Variants in UNC80 observed in about 807,000 individuals in gnomAD.
UNC80 encodes the protein unc-80 subunit of NALCN channel complex.
A neutral mutation model predicts 384.6 loss-of-function variants in UNC80; 164 were observed. That is an observed-to-expected ratio of 0.43 (90% confidence interval 0.38 to 0.49). UNC80 has a LOEUF of 0.49. UNC80 is among the 20% of genes least tolerant of loss of function. The probability of loss-of-function intolerance (pLI) is 0.00; values close to 1 mark genes in which losing one functional copy is unlikely to be tolerated. For missense variants in UNC80, 3,330 were observed against 4,143.0 expected, an observed-to-expected ratio of 0.80 and a Z score of 5.39; for synonymous variants, 1,486 against 1,527.8, an observed-to-expected ratio of 0.97 and a Z score of 0.64.
intron 22 of UNC80, among the ~76,000 whole-genome samples, chr2:209,853,301 G>A (rs2082661975): frequency 6.6e-6 from 1 of 151,908 alleles, no homozygotes; most frequent in Admixed American, 6.6e-5. Context: ...ATTGTTTTAT[G>A]TCCTTAAAAA....
chr2:209,813,065 CA>C (rs2079480061), intron 7 of UNC80, among the ~76,000 whole-genome samples: 5 of 152,152 alleles, frequency 3.3e-5, no homozygotes, highest in Admixed American at 2.6e-4. Flanking sequence ...AATATTTTCA[CA>C]ACTGAAATTA....
At chr2:209,812,176 A>G (rs1231914542) in intron 7 of UNC80, among the ~76,000 whole-genome samples, 3 of 150,890 alleles carry the variant, frequency 2.0e-5, no homozygotes, top group African/African-American at 7.3e-5. Flanking sequence ...CAGCCTCCGG[A>G]GTAGCTGAGA....
intron 29 of UNC80, among the ~76,000 whole-genome samples, chr2:209,909,140 C>G (rs1022674090): frequency 1.3e-5 from 2 of 152,138 alleles, no homozygotes; most frequent in African/African-American, 4.8e-5. Context: ...CTACACTTCT[C>G]TAGGAGTGCA....
chr2:209,914,289 CT>C (rs974126838), intron 31 of UNC80, among the ~76,000 whole-genome samples: 2 of 152,166 alleles, frequency 1.3e-5, no homozygotes, highest in Non-Finnish European at 2.9e-5. Flanking sequence ...CTGTAATTTA[CT>C]TTATCAAATC....
At position 209,825,863 on chromosome 2, in the gene UNC80, C is replaced by A. The variant is rs2080479111; in HGVS notation, c.2332-44C>A. ...AATCTTAGCAAAAGGACCTCAGTGA[C>A]AAAGTAAACAGACTTTTCTTTCTTT... On this transcript the variant is annotated intron_variant, in intron 13 of 64. Coordinates refer to ENST00000673920, the MANE Select transcript of UNC80 (RefSeq NM_001371986.1). The A allele has an allele frequency of 2.0e-6, 3 of 1,466,406 alleles. No individual in the cohort carries two copies. The African/African-American group carries it at 4.3e-5, about 21-fold the overall frequency. The allele number at this position is 1,466,406 out of a possible 1,614,324, so 90.8% of individuals were successfully genotyped here. A position where few individuals can be genotyped will look rare whatever the true frequency, so the allele number is the denominator to read the frequency against.
At chr2:209,851,257 G>A (rs1457859227) in intron 22 of UNC80, among the ~76,000 whole-genome samples, 2 of 152,124 alleles carry the variant, frequency 1.3e-5, no homozygotes, top group African/African-American at 4.8e-5. Flanking sequence ...GACACCACGT[G>A]CAGTGTCACT....
chr2:209,904,798 A>G lies in UNC80; in HGVS notation c.4615A>G (p.Ile1539Val). 1 of 1,551,978 alleles carries G rather than the reference A, an allele frequency of 6.4e-7. No homozygotes were observed. The highest frequency in any genetic ancestry group is 8.7e-7 in the Non-Finnish European group (1 of 1,147,066). Residue 1539 changes from isoleucine (I) to valine (V), a missense_variant, in exon 29 of 65, where the codon ATC (isoleucine) becomes GTC (valine). Physicochemically the swap from Ile to Val is conservative, Grantham distance 29 (BLOSUM62 3). This residue lies in a region of UNC80 where 801 missense variants were observed against 950.8 expected (regional missense o/e 0.84). Transcript: ENST00000673920. ...MILLCNQQSF[I>V]CTHVDYCHPH... is the part of the protein sequence containing the mutation. ...CTTGCTGTGCAATCAGCAGAGTTTC[A>G]TCTGCACTCACGTTGACTACTGCCA...
chr2:209,960,396 T>C (rs2092552734), intron 51 of UNC80, among the ~76,000 whole-genome samples: 2 of 152,228 alleles, frequency 1.3e-5, no homozygotes, highest in Non-Finnish European at 2.9e-5. Context: ...CTAAAGGCCG[T>C]ATTTGTGTTT....
intron 8 of UNC80, 128 bp from the exon 9 acceptor site, chr2:209,815,129 C>T: frequency 1.2e-6 from 1 of 828,150 alleles, no homozygotes; most frequent in Non-Finnish European, 1.8e-6. Flanking sequence ...GAAGTCCAGA[C>T]ATACAAGTTC....
chr2:209,921,418 T>C, intron 33 of UNC80, 82 bp from the exon 34 acceptor site: 1 of 1,310,542 alleles, frequency 7.6e-7, no homozygotes, highest in African/African-American at 1.5e-5. Context: ...ACTACGTTTG[T>C]GTCATTCATT....
chr2:209,780,664 G>A (rs906958790), intron 4 of UNC80, among the ~76,000 whole-genome samples: 1 of 152,164 alleles, frequency 6.6e-6, no homozygotes, highest in African/African-American at 2.4e-5. Context: ...GCCAACCACA[G>A]ATGACTCCAG....
chr2:209,788,910 G>A (rs1310089863), intron 5 of UNC80, among the ~76,000 whole-genome samples: 1 of 151,996 alleles, frequency 6.6e-6, no homozygotes, highest in Admixed American at 6.6e-5. Flanking sequence ...CTCCATTCAT[G>A]GTAAGTGCTC....
chr2:209,952,709 T>G (rs1306504951), intron 47 of UNC80, among the ~76,000 whole-genome samples: 2 of 152,200 alleles, frequency 1.3e-5, no homozygotes, highest in African/African-American at 4.8e-5. Flanking sequence ...TAGCCTTAGC[T>G]TCTACCTGGT....
chr2:209,816,961 A>G lies in UNC80; in HGVS notation c.1388A>G (p.His463Arg). ...AGGAAAGGCTCCATTCCATTCCACCACACAGGCAAGAGGAGGCCACGGAGA... is the reference window on the plus strand; with the variant it reads ...AGGAAAGGCTCCATTCCATTCCACCGCACAGGCAAGAGGAGGCCACGGAGA... ...RERKGSIPFH[H>R]TGKRRPRRMG... Residue 463 changes from histidine (H) to arginine (R), a missense_variant, in exon 10 of 65, where the codon CAC becomes CGC. This residue lies in a region of UNC80 where 937 missense variants were observed against 1,026.8 expected (regional missense o/e 0.91). Coordinates refer to ENST00000673920, the MANE Select transcript of UNC80 (RefSeq NM_001371986.1). The G allele has an allele frequency of 1.9e-6, 3 of 1,551,672 alleles. No individual in the cohort carries two copies. Among genetic ancestry groups the G allele is most frequent in the Non-Finnish European group, 2.6e-6 (3 of 1,147,006 alleles).
intron 1 of UNC80, 68 bp downstream of exon 1, chr2:209,772,232 G>C (rs1425903511): frequency 7.9e-6 from 7 of 890,582 alleles, no homozygotes; most frequent in Non-Finnish European, 1.0e-5. Flanking sequence ...CGCCCGGGTC[G>C]CCGCTGCCGC....
chr2:209,817,454 AT>A (rs1049609914), intron 10 of UNC80, among the ~76,000 whole-genome samples: 8 of 151,480 alleles, frequency 5.3e-5, no homozygotes, highest in African/African-American at 1.2e-4. Flanking sequence ...TTAAACTTGG[AT>A]TTTTTTTGAA....
chr2:209,864,480 G>A (rs573133101), intron 22 of UNC80, among the ~76,000 whole-genome samples: 2 of 152,160 alleles, frequency 1.3e-5, no homozygotes, highest in South Asian at 2.1e-4. Context: ...CTGCTGGCCC[G>A]AAGAAGAGAC....
intron 13 of UNC80, among the ~76,000 whole-genome samples, chr2:209,825,515 C>A (rs1459342371): frequency 6.6e-6 from 1 of 152,154 alleles, no homozygotes; most frequent in Non-Finnish European, 1.5e-5. Context: ...TGGCAGTAAT[C>A]CTTTCCTGGT....
rs184035984 is a variant in UNC80, at chr2:209,976,495, C to G, written c.8772+192C>G. On this transcript the variant is annotated intron_variant, in intron 57 of 64. Transcript: ENST00000673920. The surrounding 1 kb of genome is among the most constrained non-coding windows in gnomAD (Gnocchi z 4.3). Reference sequence around the variant, plus strand: ...GGATAAAAATTTCACACTAGAAATGCCTTCACAGTAAGAGCTTTGTTGGAG... The same window carrying G: ...GGATAAAAATTTCACACTAGAAATGGCTTCACAGTAAGAGCTTTGTTGGAG... 2.8e-4 allele frequency among the ~76,000 whole-genome samples: 43 copies of G among 152,232 alleles called. No individual in the cohort carries two copies. The highest frequency in any genetic ancestry group is 9.9e-4 in the African/African-American group (41 of 41,520).
Sources: gnomAD v4.1 joint callset for allele counts (sites outside exome capture counted in the v4.1 genomes callset) on GRCh38, gnomAD v4.1.1 for gene constraint, gnomAD v4.1.1 regional missense constraint, Gnocchi (gnomAD v3.1) non-coding constraint, MANE v1.5 for transcripts, NCBI Gene and HGNC (gene_info 2026-07-23, HGNC 2026-07-21) for gene names.